SINHCAF: variants seen among roughly 807,000 people sequenced by gnomAD.
SINHCAF encodes the protein SIN3-HDAC complex associated factor, also known as SIN3-HDAC complex-associated factor.
A neutral mutation model predicts 25.8 loss-of-function variants in SINHCAF; 3 were observed. That is an observed-to-expected ratio of 0.12 (90% CI 0.05 to 0.30). The LOEUF is 0.30. Ranked by LOEUF, SINHCAF falls within the 10% of genes least tolerant of loss-of-function variation. SINHCAF has a pLI of 1.00. For missense variants in SINHCAF, 121 were observed against 262.3 expected, an observed-to-expected ratio of 0.46 and a Z score of 3.72; for synonymous variants, 70 against 85.5, an observed-to-expected ratio of 0.82 and a Z score of 1.00.
At chr12:31,301,969 A>G (rs1331005040) in intron 1 of SINHCAF, among the ~76,000 whole-genome samples, 1 of 152,228 alleles carries the variant, frequency 6.6e-6, no homozygotes, top group Non-Finnish European at 1.5e-5. Flanking sequence ...TTCCTCCAGT[A>G]CAATCTATCT....
At chr12:31,288,417 T>A (rs2137074457) in intron 4 of SINHCAF, among the ~76,000 whole-genome samples, 1 of 152,092 alleles carries the variant, frequency 6.6e-6, no homozygotes, top group South Asian at 2.1e-4. Context: ...TCACAAGACT[T>A]AGGAAGCACC....
Position 31,313,279 on chromosome 12 carries a change from G to A in SINHCAF, c.-21+12745C>T, listed in dbSNP as rs148213873. Among the ~76,000 whole-genome samples, 206 of 152,052 alleles carry A rather than the reference G, an allele frequency of 1.4e-3. 2 individuals are homozygous for A. The East Asian group carries it at 0.014, about 10-fold the overall frequency. On this transcript the variant is annotated intron_variant, in intron 1 of 5. Coordinates refer to ENST00000337682, the MANE Select transcript of SINHCAF (RefSeq NM_001135812.2). ...TGACCTCAGGTGATCCACCTGCCTC[G>A]GCCTCCCGAAGTGCTGGGATTACAG... is the stretch of plus-strand genomic sequence containing the variant.
chr12:31,291,545 C>T lies in SINHCAF; in HGVS notation c.355+2260G>A, dbSNP rs11051375. ...TTGGGAGGCCAAGGAGGGCAGATCACCTGAGGTCAGGAGTTCAAGACCAGC... is the reference window on the plus strand; with the variant it reads ...TTGGGAGGCCAAGGAGGGCAGATCATCTGAGGTCAGGAGTTCAAGACCAGC... On this transcript the variant is annotated intron_variant, in intron 4 of 5. Transcript: ENST00000337682. Among the ~76,000 whole-genome samples, 56 of 152,194 alleles carry T rather than the reference C, an allele frequency of 3.7e-4. 1 individual carries two copies. The highest frequency in any genetic ancestry group is 1.3e-3 in the African/African-American group (54 of 41,446).
At chr12:31,310,344 A>C (rs919668328) in intron 1 of SINHCAF, among the ~76,000 whole-genome samples, 3 of 152,090 alleles carry the variant, frequency 2.0e-5, no homozygotes, top group Admixed American at 1.3e-4. Flanking sequence ...TATTGTGTTA[A>C]TTTCTCCCAA....
intron 3 of SINHCAF, among the ~76,000 whole-genome samples, chr12:31,294,760 C>T (rs1426575994): frequency 6.6e-6 from 1 of 152,188 alleles, no homozygotes; most frequent in Non-Finnish European, 1.5e-5. Context: ...CCAGTTCTCA[C>T]AATAGCTCTG....
Position 31,298,130 on chromosome 12 carries a change from A to G in SINHCAF, c.75T>C (p.Ser25=). The change falls in exon 2 of 6, where the codon AGT becomes AGC. Residue 25 remains serine, a synonymous_variant. Coordinates refer to ENST00000337682, the MANE Select transcript of SINHCAF (RefSeq NM_001135812.2). ...AGCGTTTACTGTCAGTGAATCGAGA[A>G]CTGGAGGACTTAGCTCTGCAAATAC... The part of the protein sequence containing the change: ...GCCICRAKSS[S]SRFTDSKRYE... The G allele has an allele frequency of 6.2e-7, 1 of 1,614,188 alleles. No individual in the cohort carries two copies.
At chr12:31,318,613 T>C (rs1472684240) in intron 1 of SINHCAF, among the ~76,000 whole-genome samples, 1 of 147,016 alleles carries the variant, frequency 6.8e-6, no homozygotes, top group Admixed American at 6.9e-5. Flanking sequence ...GGGCTTTAGA[T>C]AGTGTAAAAC....
intron 2 of SINHCAF, 99 bp downstream of exon 2, chr12:31,297,978 A>T (rs1419606211): frequency 8.4e-7 from 1 of 1,191,974 alleles, no homozygotes; most frequent in Non-Finnish European, 1.2e-6. Flanking sequence ...AGTGATTTTT[A>T]TTATTAGCAC....
At chr12:31,296,985 T>C (rs1033100119) in intron 2 of SINHCAF, 12 of 438,860 alleles carry the variant, frequency 2.7e-5, no homozygotes, top group Non-Finnish European at 5.5e-5. Context: ...TGGTGCACAA[T>C]GATCACACCT....
rs138412589 is a variant in SINHCAF at position 31,290,140 on chromosome 12, T to TTTTG, written c.356-2360_356-2357dup. Among the ~76,000 whole-genome samples the TTTTG allele has an allele frequency of 2.4e-3, 360 of 151,586 alleles. 2 individuals are homozygous for TTTTG. Among genetic ancestry groups the TTTTG allele is most frequent in the Non-Finnish European group, 3.5e-3 (239 of 67,868 alleles). On this transcript the variant is annotated intron_variant, in intron 4 of 5. Coordinates refer to ENST00000337682, the MANE Select transcript of SINHCAF (RefSeq NM_001135812.2). ...CACCTAGCCAAGAAAATGTTTTTGT[T>TTTTG]TTTGTTTGTTTGTTTGTTTGTTTGT... is the stretch of plus-strand genomic sequence containing the variant.
At chr12:31,311,174 G>A (rs542711950) in intron 1 of SINHCAF, among the ~76,000 whole-genome samples, 2 of 152,268 alleles carry the variant, frequency 1.3e-5, no homozygotes, top group South Asian at 2.1e-4. Flanking sequence ...ACAAGGGAAT[G>A]GCATTTAACA....
intron 1 of SINHCAF, among the ~76,000 whole-genome samples, chr12:31,310,867 G>C (rs963953240): frequency 2.7e-5 from 4 of 149,970 alleles, no homozygotes; most frequent in Admixed American, 6.6e-5. Context: ...TCTAATCTAC[G>C]ATCTTTTTTT....
intron 1 of SINHCAF, chr12:31,304,853 T>C (rs967195346): frequency 1.5e-4 from 23 of 152,298 alleles, no homozygotes; most frequent in South Asian, 1.0e-3. Flanking sequence ...TGTATATACA[T>C]AGGTGGCCAT....
chr12:31,286,818 C>T (rs940706825), intron 5 of SINHCAF, among the ~76,000 whole-genome samples: 1 of 152,222 alleles, frequency 6.6e-6, no homozygotes, highest in Non-Finnish European at 1.5e-5. Context: ...ATGCTTGGGG[C>T]CTATGCCCTA....
intron 1 of SINHCAF, among the ~76,000 whole-genome samples, chr12:31,305,387 T>C (rs947085838): frequency 1.3e-5 from 2 of 152,188 alleles, no homozygotes; most frequent in East Asian, 3.9e-4. Flanking sequence ...CAGTGCAAGA[T>C]GTCCCCATTC....
intron 1 of SINHCAF, among the ~76,000 whole-genome samples, chr12:31,316,880 T>C (rs1728373447): frequency 6.6e-6 from 1 of 152,194 alleles, no homozygotes; most frequent in African/African-American, 2.4e-5. Context: ...TTCTTGTCTT[T>C]TTAAATCTTT....
At chr12:31,321,951 T>C (rs1269616837) in intron 1 of SINHCAF, among the ~76,000 whole-genome samples, 2 of 152,028 alleles carry the variant, frequency 1.3e-5, no homozygotes, top group Non-Finnish European at 1.5e-5. Flanking sequence ...GTTTGAGCCC[T>C]ATGAGTCAGG....
chr12:31,293,825 T>C lies in SINHCAF; in HGVS notation c.335A>G (p.Gln112Arg). 1.9e-6 allele frequency: 3 copies of C among 1,603,216 alleles called. No homozygotes were observed. The highest frequency in any genetic ancestry group is 2.5e-6 in the Non-Finnish European group (3 of 1,177,414). The change falls in exon 4 of 6, where the codon CAG becomes CGG. Residue 112 changes from glutamine (Q) to arginine (R), a missense_variant. Coordinates refer to ENST00000337682, the MANE Select transcript of SINHCAF (RefSeq NM_001135812.2). ...RIKSNQISKL[Q>R]KEFKRHNSDA... is the part of the protein sequence containing the mutation. ...CTTACTATGACGTTTAAATTCCTTC[T>C]GCAGTTTACTGATCTGGTTGCTTTT...
chr12:31,317,989 G>A (rs775894102), intron 1 of SINHCAF, among the ~76,000 whole-genome samples: 49 of 152,094 alleles, frequency 3.2e-4, no homozygotes, highest in Non-Finnish European at 6.3e-4. Flanking sequence ...GAAATAACAC[G>A]AAAAAATACT....
Sources: gnomAD v4.1 joint callset for allele counts (sites outside exome capture counted in the v4.1 genomes callset) on GRCh38, gnomAD v4.1.1 for gene constraint, MANE v1.5 for transcripts, NCBI Gene and HGNC (gene_info 2026-07-23, HGNC 2026-07-21) for gene names.